The following PLCB1 variants were observed in gnomAD, a reference collection of about 807,000 sequenced individuals.
PLCB1 encodes the protein 1-phosphatidylinositol 4,5-bisphosphate phosphodiesterase beta-1.
A neutral mutation model predicts 161.8 loss-of-function variants in PLCB1; 46 were observed. The observed-to-expected ratio is 0.28, with a 90% CI of 0.22 to 0.36. The LOEUF (loss-of-function observed/expected upper bound fraction) is 0.36, where lower values mean the gene tolerates loss of function less well. Among genes scored for constraint, PLCB1 ranks in the 10% least tolerant of loss-of-function variants. The pLI, the probability that PLCB1 is intolerant of heterozygous loss-of-function variation, is 1.00. For synonymous variants in PLCB1, 517 were observed against 503.7 expected, an observed-to-expected ratio of 1.03 and a Z score of -0.35; for missense variants, 1,016 against 1,472.5, an observed-to-expected ratio of 0.69 and a Z score of 5.07.
At chr20:8,659,876 C>T (rs1222981022) in intron 9 of PLCB1, among the ~76,000 whole-genome samples, 2 of 151,534 alleles carry the variant, frequency 1.3e-5, no homozygotes, top group Non-Finnish European at 1.5e-5. Flanking sequence ...CCTGTAGTCC[C>T]GGCTACTCAA....
chr20:8,699,468 C>G (rs1373670377), intron 11 of PLCB1, among the ~76,000 whole-genome samples: 3 of 152,146 alleles, frequency 2.0e-5, no homozygotes, highest in Non-Finnish European at 1.5e-5. Flanking sequence ...GGTAAAAACT[C>G]TTTTGGCTGC....
intron 3 of PLCB1, among the ~76,000 whole-genome samples, chr20:8,468,928 T>C (rs926122008): frequency 2.0e-5 from 3 of 152,162 alleles, no homozygotes; most frequent in African/African-American, 7.2e-5. Context: ...CAGTCATTTA[T>C]CTTTCCCTCT....
intron 3 of PLCB1, among the ~76,000 whole-genome samples, chr20:8,513,109 C>T (rs1983962175): frequency 6.6e-6 from 1 of 152,084 alleles, no homozygotes; most frequent in African/African-American, 2.4e-5. Context: ...AATGTTTAAA[C>T]CAAAGGTTTC....
chr20:8,645,396 C>T (rs144958547), intron 4 of PLCB1, among the ~76,000 whole-genome samples: 2 of 152,342 alleles, frequency 1.3e-5, no homozygotes, highest in East Asian at 3.9e-4. Flanking sequence ...GGTCTTGTGT[C>T]ATCTTCTCTT....
chr20:8,356,425 G>T (rs530966805), intron 2 of PLCB1, among the ~76,000 whole-genome samples: 1 of 152,258 alleles, frequency 6.6e-6, no homozygotes, highest in East Asian at 1.9e-4. Flanking sequence ...GTAACCAGAT[G>T]ATGTGATGCT....
rs138937597 is a variant in PLCB1 at position 8,141,516 on chromosome 20, G to A, written c.99+8766G>A. On this transcript the variant is annotated intron_variant, in intron 1 of 31. Transcript: ENST00000338037. The stretch of plus-strand genomic sequence containing the variant: ...TGCACACCTGTAATCCCGACCACTC[G>A]AGAGGCTGAGGCAGAAGAATCACTT... Among the ~76,000 whole-genome samples, 1,068 of 151,472 alleles carry A rather than the reference G, an allele frequency of 7.1e-3. 4 individuals carry two copies. The highest frequency in any genetic ancestry group is 0.013 in the Admixed American group (197 of 15,222).
At chr20:8,549,273 T>C (rs1985686776) in intron 3 of PLCB1, among the ~76,000 whole-genome samples, 1 of 152,220 alleles carries the variant, frequency 6.6e-6, no homozygotes, top group Non-Finnish European at 1.5e-5. Flanking sequence ...CTAAGAAGAA[T>C]GTCTAGGCCC....
At chr20:8,414,465 T>C (rs901007876) in intron 3 of PLCB1, among the ~76,000 whole-genome samples, 3 of 152,178 alleles carry the variant, frequency 2.0e-5, no homozygotes, top group African/African-American at 7.2e-5. Flanking sequence ...TAAGATGCCT[T>C]AGACACACCC....
At chr20:8,389,486 T>G (rs1163082869) in intron 3 of PLCB1, among the ~76,000 whole-genome samples, 1 of 152,202 alleles carries the variant, frequency 6.6e-6, no homozygotes, top group African/African-American at 2.4e-5. Context: ...GGACCTGTTG[T>G]TGAAGACAGA....
intron 4 of PLCB1, among the ~76,000 whole-genome samples, chr20:8,645,885 G>A (rs2123285120): frequency 6.6e-6 from 1 of 152,250 alleles, no homozygotes; most frequent in East Asian, 1.9e-4. Flanking sequence ...AAACCTTTAT[G>A]TACAAAGAAC....
rs543567710 is a variant in PLCB1, at chr20:8,857,505, G to T, written c.3424-24117G>T. 2.0e-5 allele frequency among the ~76,000 whole-genome samples: 3 copies of T among 152,268 alleles called. 1 individual carries two copies. The highest frequency in any genetic ancestry group is 7.2e-5 in the African/African-American group (3 of 41,574). On this transcript the variant is annotated intron_variant, in intron 31 of 31. Coordinates refer to ENST00000338037, the MANE Select transcript of PLCB1 (RefSeq NM_015192.4). ...GTTGATTGCTGTTTTAAGCAGATCT[G>T]CTGTGAACATGCCATCTCATATCTC...
intron 3 of PLCB1, among the ~76,000 whole-genome samples, chr20:8,474,126 T>A (rs1982169148): frequency 6.6e-6 from 1 of 152,218 alleles, no homozygotes; most frequent in African/African-American, 2.4e-5. Flanking sequence ...GACATGAAGA[T>A]GATTTTATTT....
At chr20:8,143,556 G>C (rs1209857723) in intron 1 of PLCB1, among the ~76,000 whole-genome samples, 1 of 152,146 alleles carries the variant, frequency 6.6e-6, no homozygotes, top group Non-Finnish European at 1.5e-5. Flanking sequence ...CATTATAACT[G>C]CTATGAAGGA....
chr20:8,197,130 A>C (rs1415273453), intron 2 of PLCB1, among the ~76,000 whole-genome samples: 1 of 152,106 alleles, frequency 6.6e-6, no homozygotes, highest in African/African-American at 2.4e-5. Flanking sequence ...AATAAACATA[A>C]GTGTACATGT....
Position 8,801,905 on chromosome 20 carries a change from G to A in PLCB1, c.3423+11644G>A, listed in dbSNP as rs368687035. Reference sequence around the variant, plus strand: ...CCAGGTGCCTTGTCACACTGGGGGTGTTGGAGCAGATAAAGGCAAACAGAG... The same window carrying A: ...CCAGGTGCCTTGTCACACTGGGGGTATTGGAGCAGATAAAGGCAAACAGAG... On this transcript the variant is annotated intron_variant, in intron 31 of 31. Transcript: ENST00000338037. The A allele has an allele frequency of 1.4e-4, 91 of 652,042 alleles. 1 individual carries two copies. Among genetic ancestry groups the A allele is most frequent in the East Asian group, 9.1e-4 (32 of 35,226 alleles). 40.4% of individuals were successfully genotyped at this position (652,042 alleles called of 1,614,324 possible).
At chr20:8,154,653 A>G (rs1252528392) in intron 2 of PLCB1, among the ~76,000 whole-genome samples, 2 of 152,090 alleles carry the variant, frequency 1.3e-5, no homozygotes, top group Non-Finnish European at 2.9e-5. Flanking sequence ...CTGTTATATC[A>G]CCTTGTTTTA....
At chr20:8,746,067 G>A (rs1981155978) in intron 23 of PLCB1, among the ~76,000 whole-genome samples, 1 of 152,122 alleles carries the variant, frequency 6.6e-6, no homozygotes, top group Non-Finnish European at 1.5e-5. Context: ...AAGTAGCCGG[G>A]ACTACAGGCA....
chr20:8,621,564 C>T (rs1988186362), intron 3 of PLCB1, among the ~76,000 whole-genome samples: 2 of 152,308 alleles, frequency 1.3e-5, no homozygotes, highest in South Asian at 4.1e-4. Context: ...TTCCATGAGA[C>T]CACCTTTCTT....
At chr20:8,808,718 C>A (rs1466589265) in intron 31 of PLCB1, among the ~76,000 whole-genome samples, 1 of 152,148 alleles carries the variant, frequency 6.6e-6, no homozygotes, top group South Asian at 2.1e-4. Flanking sequence ...ACCAAAGTAT[C>A]CACCTCACAG....
Sources: gnomAD v4.1 joint callset for allele counts (sites outside exome capture counted in the v4.1 genomes callset) on GRCh38, gnomAD v4.1.1 for gene constraint, MANE v1.5 for transcripts, NCBI Gene and HGNC (gene_info 2026-07-23, HGNC 2026-07-21) for gene names.